GPC6: variants seen among roughly 807,000 people sequenced by gnomAD.
The protein encoded by GPC6 is glypican 6.
GPC6 carries 14 observed loss-of-function variants against 55.2 expected under a neutral mutation model. That is an observed-to-expected ratio of 0.25 (90% CI 0.17 to 0.40). The LOEUF is 0.40. GPC6 is among the 10% of genes least tolerant of loss of function. The pLI is 1.00. For missense variants in GPC6, 641 were observed against 708.5 expected, an observed-to-expected ratio of 0.90 and a Z score of 1.08; for synonymous variants, 278 against 259.6, an observed-to-expected ratio of 1.07 and a Z score of -0.68.
intron 1 of GPC6, among the ~76,000 whole-genome samples, chr13:93,514,351 T>C (rs1881103727): frequency 6.6e-6 from 1 of 152,170 alleles, no homozygotes; most frequent in South Asian, 2.1e-4. Context: ...CGGTCTATTT[T>C]ACCTTTTCTC....
chr13:93,993,200 G>T (rs991307271), intron 3 of GPC6, among the ~76,000 whole-genome samples: 5 of 151,726 alleles, frequency 3.3e-5, no homozygotes, highest in African/African-American at 1.2e-4. Context: ...AACTACTTTT[G>T]CCATGTAAAT....
intron 3 of GPC6, among the ~76,000 whole-genome samples, chr13:93,978,156 A>G (rs1391510888): frequency 6.6e-6 from 1 of 152,206 alleles, no homozygotes; most frequent in Non-Finnish European, 1.5e-5. Flanking sequence ...GGAAGTGGCC[A>G]TCAGCCAAGG....
chr13:94,273,788 A>G (rs1306102438), intron 4 of GPC6, among the ~76,000 whole-genome samples: 1 of 152,192 alleles, frequency 6.6e-6, no homozygotes, highest in Non-Finnish European at 1.5e-5. Context: ...ACATACACAG[A>G]GTTCTTCTCT....
At chr13:93,546,679 T>G (rs2139435638) in intron 2 of GPC6, among the ~76,000 whole-genome samples, 1 of 152,322 alleles carries the variant, frequency 6.6e-6, no homozygotes, top group African/African-American at 2.4e-5. Context: ...TTACTCTTGA[T>G]TATAGGTTAC....
chr13:93,582,559 A>G (rs982263156), intron 2 of GPC6, among the ~76,000 whole-genome samples: 1 of 152,220 alleles, frequency 6.6e-6, no homozygotes, highest in African/African-American at 2.4e-5. Flanking sequence ...CATAGGAGGG[A>G]CATAATCTCA....
intron 2 of GPC6, among the ~76,000 whole-genome samples, chr13:93,636,610 T>C (rs1879709643): frequency 6.6e-6 from 1 of 152,196 alleles, no homozygotes; most frequent in Non-Finnish European, 1.5e-5. Context: ...CTGCATATTT[T>C]CCCAGCTCTC....
intron 2 of GPC6, among the ~76,000 whole-genome samples, chr13:93,707,518 C>T (rs1882894745): frequency 6.6e-6 from 1 of 151,662 alleles, no homozygotes; most frequent in South Asian, 2.1e-4. Context: ...AACAATGTTT[C>T]TACCTCTTAA....
intron 2 of GPC6, among the ~76,000 whole-genome samples, chr13:93,627,234 A>G (rs1299990982): frequency 6.6e-6 from 1 of 150,994 alleles, no homozygotes; most frequent in Non-Finnish European, 1.5e-5. Flanking sequence ...GCTCCCACTT[A>G]TGAGTGAGAA....
At chr13:93,340,026 CTTTTTTTTTTTTTTTT>C (rs10714044) in intron 1 of GPC6, among the ~76,000 whole-genome samples, 3 of 81,618 alleles carry the variant, frequency 3.7e-5, no homozygotes, top group Admixed American at 2.0e-4. Context: ...AGTTTTCTTT[CTTTTTTTTTTTTTTTT>C]TTTTTTTTTT....
intron 1 of GPC6, among the ~76,000 whole-genome samples, chr13:93,416,826 C>G (rs951522994): frequency 2.0e-5 from 3 of 152,078 alleles, no homozygotes; most frequent in African/African-American, 7.2e-5. Flanking sequence ...GAAAAAAACA[C>G]TGAGGCTCCG....
intron 3 of GPC6, among the ~76,000 whole-genome samples, chr13:94,022,153 A>G (rs1180990308): frequency 3.3e-5 from 5 of 152,080 alleles, no homozygotes; most frequent in East Asian, 3.9e-4. Context: ...AGTGTTAACT[A>G]TAATCTTCAT....
chr13:94,241,758 T>C (rs1891059994), intron 4 of GPC6, among the ~76,000 whole-genome samples: 1 of 152,102 alleles, frequency 6.6e-6, no homozygotes, highest in Admixed American at 6.6e-5. Flanking sequence ...TTTAGATCCC[T>C]TCTCAGTGTA....
chr13:93,971,912 T>A (rs1349408038), intron 3 of GPC6, among the ~76,000 whole-genome samples: 1 of 152,192 alleles, frequency 6.6e-6, no homozygotes, highest in Non-Finnish European at 1.5e-5. Context: ...TAAGATGACT[T>A]GACAAAGCTA....
At chr13:94,382,665 A>C in intron 7 of GPC6, 115 bp downstream of exon 7, 4 of 1,340,242 alleles carry the variant, frequency 3.0e-6, no homozygotes, top group Non-Finnish European at 3.2e-6. Context: ...GGGTGGAGGG[A>C]CAAGTCATCA....
At chr13:93,931,326 A>G (rs1199593783) in intron 3 of GPC6, among the ~76,000 whole-genome samples, 2 of 151,952 alleles carry the variant, frequency 1.3e-5, no homozygotes, top group Non-Finnish European at 2.9e-5. Flanking sequence ...TGGAGGTACC[A>G]TTCATTAAAA....
At chr13:93,361,209 A>G (rs1881028388) in intron 1 of GPC6, among the ~76,000 whole-genome samples, 1 of 152,048 alleles carries the variant, frequency 6.6e-6, no homozygotes, top group Non-Finnish European at 1.5e-5. Context: ...GAAGCTCTGA[A>G]ACTTTCTTGC....
intron 3 of GPC6, among the ~76,000 whole-genome samples, chr13:93,950,415 A>AT (rs367731727): frequency 1.3e-5 from 2 of 152,008 alleles, no homozygotes; most frequent in Non-Finnish European, 2.9e-5. Context: ...GGAATATGCT[A>AT]TTTTTTTTCC....
At chr13:94,008,965 G>T (rs1305330283) in intron 3 of GPC6, among the ~76,000 whole-genome samples, 1 of 152,058 alleles carries the variant, frequency 6.6e-6, no homozygotes, top group Non-Finnish European at 1.5e-5. Context: ...ACAAACACAT[G>T]TATATAAAGT....
intron 6 of GPC6, among the ~76,000 whole-genome samples, chr13:94,380,379 G>C (rs76952211): frequency 6.6e-6 from 1 of 152,024 alleles, no homozygotes; most frequent in East Asian, 1.9e-4. Flanking sequence ...CACCAAAGTG[G>C]ACACTACGTA....
Sources: gnomAD v4.1 joint callset for allele counts (sites outside exome capture counted in the v4.1 genomes callset) on GRCh38, gnomAD v4.1.1 for gene constraint, MANE v1.5 for transcripts, NCBI Gene and HGNC (gene_info 2026-07-23, HGNC 2026-07-21) for gene names.